Variants in GRIK1 observed in about 807,000 individuals in gnomAD.
The protein encoded by GRIK1 is glutamate receptor ionotropic, kainate 1.
GRIK1 carries 69 observed loss-of-function variants against 105.7 expected under a neutral mutation model. That is an observed-to-expected ratio of 0.65 (90% confidence interval 0.54 to 0.80). The LOEUF is 0.80. GRIK1 is among the 30% of genes least tolerant of loss of function. The probability of loss-of-function intolerance (pLI) is 0.00; values close to 1 mark genes in which losing one functional copy is unlikely to be tolerated. For missense variants in GRIK1, 1,109 were observed against 1,167.3 expected (o/e 0.95, Z 0.73); for synonymous variants, 438 against 431.3 (o/e 1.02, Z -0.19).
At chr21:29,627,041 T>C (rs1195308740) in intron 7 of GRIK1, among the ~76,000 whole-genome samples, 1 of 152,212 alleles carries the variant, frequency 6.6e-6, no homozygotes. Context: ...CAGGAAAATA[T>C]GGTTTAAATA....
chr21:29,935,390 C>T (rs1482859370), intron 1 of GRIK1, among the ~76,000 whole-genome samples: 1 of 152,038 alleles, frequency 6.6e-6, no homozygotes, highest in Non-Finnish European at 1.5e-5. Flanking sequence ...GTGTGTCTGG[C>T]TCATGCTAGG....
chr21:29,790,327 G>A (rs868769451), intron 1 of GRIK1, among the ~76,000 whole-genome samples: 8 of 152,124 alleles, frequency 5.3e-5, no homozygotes, highest in Middle Eastern at 6.8e-3. Context: ...GATTACAAGT[G>A]TGAGCCACCT....
intron 1 of GRIK1, among the ~76,000 whole-genome samples, chr21:29,841,021 A>G (rs2067965806): frequency 6.6e-6 from 1 of 152,154 alleles, no homozygotes; most frequent in African/African-American, 2.4e-5. Flanking sequence ...GCATTGTTTA[A>G]CCATCTAGAA....
chr21:29,640,928 T>C (rs2062497108), intron 7 of GRIK1, among the ~76,000 whole-genome samples: 1 of 151,982 alleles, frequency 6.6e-6, no homozygotes, highest in Admixed American at 6.6e-5. Context: ...TGTGATGTCT[T>C]TGTTGTTGTT....
chr21:29,807,463 G>A (rs2066896492), intron 1 of GRIK1, among the ~76,000 whole-genome samples: 2 of 152,048 alleles, frequency 1.3e-5, no homozygotes. Context: ...TCTTACAGAT[G>A]TTTCCATAGG....
At chr21:29,657,726 G>T (rs189501426) in intron 4 of GRIK1, 7 of 152,302 alleles carry the variant, frequency 4.6e-5, no homozygotes, top group African/African-American at 1.4e-4. Context: ...CACCAAAGGC[G>T]GTGCTTTTAA....
chr21:29,752,268 G>C (rs1218825227), intron 1 of GRIK1, among the ~76,000 whole-genome samples: 1 of 152,188 alleles, frequency 6.6e-6, no homozygotes, highest in Non-Finnish European at 1.5e-5. Flanking sequence ...ATGTGTCTAA[G>C]CACTTGGTCC....
intron 7 of GRIK1, among the ~76,000 whole-genome samples, chr21:29,636,281 A>G (rs572673571): frequency 6.6e-6 from 1 of 152,330 alleles, no homozygotes; most frequent in Admixed American, 6.5e-5. Flanking sequence ...CATGAAGTTG[A>G]GGCTGTGCTT....
intron 16 of GRIK1, among the ~76,000 whole-genome samples, chr21:29,548,850 C>T (rs2090086113): frequency 6.6e-6 from 1 of 152,172 alleles, no homozygotes; most frequent in Non-Finnish European, 1.5e-5. Flanking sequence ...CCTTAAATAG[C>T]TCCAATTTTG....
intron 7 of GRIK1, among the ~76,000 whole-genome samples, chr21:29,632,023 G>T (rs2062286654): frequency 6.6e-6 from 1 of 152,092 alleles, no homozygotes; most frequent in Non-Finnish European, 1.5e-5. Flanking sequence ...ATGCAGAAGG[G>T]ATTGGACAAG....
chr21:29,911,896 G>T (rs2070830334), intron 1 of GRIK1, among the ~76,000 whole-genome samples: 1 of 152,016 alleles, frequency 6.6e-6, no homozygotes, highest in Non-Finnish European at 1.5e-5. Context: ...ATGGTCATTT[G>T]TTATGGCAGC....
chr21:29,544,972 A>G lies in GRIK1; in HGVS notation c.2608-7088T>C, dbSNP rs545293292. Among the ~76,000 whole-genome samples, 21 of 152,350 alleles carry G rather than the reference A, an allele frequency of 1.4e-4. No homozygotes were observed. In the South Asian group the frequency reaches 2.9e-3, roughly 21 times the overall value. ...GGGGACCTGAGAACACAGGGAAACC[A>G]TAGCCCAGTCTCTGTCTCAGGCATT... On this transcript the variant is annotated intron_variant, in intron 16 of 17. Transcript: ENST00000327783.
chr21:29,845,412 CCTGT>C (rs1431217457), intron 1 of GRIK1, among the ~76,000 whole-genome samples: 2 of 152,006 alleles, frequency 1.3e-5, no homozygotes, highest in African/African-American at 4.8e-5. Context: ...ATATTTCAAG[CCTGT>C]CTGTCATGTT....
chr21:29,545,462 C>A (rs370218254), intron 16 of GRIK1, among the ~76,000 whole-genome samples: 35 of 152,266 alleles, frequency 2.3e-4, no homozygotes, highest in African/African-American at 8.2e-4. Context: ...TCATGGAAAA[C>A]GCTTGATTTT....
chr21:29,724,458 G>A (rs2064402529), intron 1 of GRIK1, among the ~76,000 whole-genome samples: 1 of 152,132 alleles, frequency 6.6e-6, no homozygotes, highest in African/African-American at 2.4e-5. Context: ...GAATTCTAAA[G>A]CATTGAGTGA....
At chr21:29,692,378 A>T (rs1429801671) in intron 2 of GRIK1, among the ~76,000 whole-genome samples, 1 of 152,096 alleles carries the variant, frequency 6.6e-6, no homozygotes, top group Non-Finnish European at 1.5e-5. Flanking sequence ...AAAGTGATAG[A>T]TCTATCTCTA....
chr21:29,595,340 G>GTT (rs71191119), intron 9 of GRIK1, among the ~76,000 whole-genome samples: 4,285 of 136,910 alleles, frequency 0.031, 265 homozygotes, highest in African/African-American at 0.1. Flanking sequence ...AGTGTAATAG[G>GTT]TTTTTTTTTT....
At chr21:29,829,033 A>C (rs1404016262) in intron 1 of GRIK1, among the ~76,000 whole-genome samples, 1 of 152,164 alleles carries the variant, frequency 6.6e-6, no homozygotes, top group Non-Finnish European at 1.5e-5. Context: ...CCATGAAGTC[A>C]ACTGATTCTC....
intron 7 of GRIK1, among the ~76,000 whole-genome samples, chr21:29,611,101 G>A (rs936477711): frequency 2.6e-5 from 4 of 152,118 alleles, no homozygotes; most frequent in Admixed American, 2.6e-4. Context: ...AAAGAACAAC[G>A]ACTGTATTTC....
Sources: allele counts gnomAD v4.1 joint callset (sites outside exome capture counted in the v4.1 genomes callset), GRCh38; gene constraint gnomAD v4.1.1; transcripts MANE v1.5; gene names NCBI Gene and HGNC (gene_info 2026-07-23, HGNC 2026-07-21).